The following LRRC52 variants were observed in gnomAD, a reference collection of about 807,000 sequenced individuals.
LRRC52 encodes the protein leucine rich repeat containing 52.
A neutral mutation model predicts 14.7 loss-of-function variants in LRRC52; 15 were observed. The observed-to-expected ratio is 1.02, with a 90% confidence interval of 0.68 to 1.58. The LOEUF (loss-of-function observed/expected upper bound fraction) is 1.58. LRRC52 is among the 40% of genes most tolerant of loss of function. LRRC52 has a pLI of 0.00. For missense variants in LRRC52, 400 were observed against 387.7 expected (o/e 1.03, Z -0.27); for synonymous variants, 180 against 163.9 (o/e 1.10, Z -0.75).
chr1:165,563,565 T>C lies in LRRC52; in HGVS notation c.683T>C (p.Val228Ala). The C allele has an allele frequency of 1.2e-6, 2 of 1,614,088 alleles. No homozygotes were observed. Among genetic ancestry groups the C allele is most frequent in the Admixed American group, 3.3e-5 (2 of 60,014 alleles). ...CTGACAGGGTGGCCCATCACCCGGG[T>C]GGGGAACCCACTCCGATACATGTGC... ...TELTGWPITR[V>A]GNPLRYMCIT... The change falls in exon 2 of 2, where the codon GTG (valine) becomes GCG (alanine). Residue 228 changes from valine to alanine, a missense_variant. By Grantham distance (64) the Val-to-Ala change is moderately conservative. Transcript: ENST00000294818.
chr1:165,558,799 C>G (rs1233080150), intron 1 of LRRC52, among the ~76,000 whole-genome samples: 3 of 152,126 alleles, frequency 2.0e-5, no homozygotes, highest in Non-Finnish European at 2.9e-5. Flanking sequence ...TATTAAAATA[C>G]AAAGTTTGCT....
chr1:165,557,589 A>G (rs143603326), intron 1 of LRRC52, among the ~76,000 whole-genome samples: 75 of 152,362 alleles, frequency 4.9e-4, no homozygotes, highest in African/African-American at 1.6e-3. Context: ...GAGTGGAGTC[A>G]GAAAAATGAA....
intron 1 of LRRC52, among the ~76,000 whole-genome samples, chr1:165,547,422 T>A (rs1442852935): frequency 6.6e-6 from 1 of 152,168 alleles, no homozygotes; most frequent in East Asian, 1.9e-4. Flanking sequence ...TAATAAGCAC[T>A]AACCGTCATA....
intron 1 of LRRC52, among the ~76,000 whole-genome samples, chr1:165,558,426 G>T (rs1661281210): frequency 2.0e-5 from 3 of 152,282 alleles, no homozygotes; most frequent in Admixed American, 2.0e-4. Flanking sequence ...AATTAAGAAA[G>T]CCAGAGAAGG....
chr1:165,562,118 T>TTTCTGTA (rs1661355964), intron 1 of LRRC52, among the ~76,000 whole-genome samples: 1 of 152,244 alleles, frequency 6.6e-6, no homozygotes, highest in Admixed American at 6.5e-5. Flanking sequence ...TCACACTGGC[T>TTTCTGTA]TTCTGTCTTC....
rs1385794384 is a variant in LRRC52, at chr1:165,557,815, T to C, written c.623-5690T>C. Among the ~76,000 whole-genome samples the C allele has an allele frequency of 2.6e-5, 4 of 152,166 alleles. No individual in the cohort carries two copies. In the East Asian group the frequency reaches 7.7e-4, roughly 29 times the overall value. On this transcript the variant is annotated intron_variant, in intron 1 of 1. Coordinates refer to ENST00000294818, the MANE Select transcript of LRRC52 (RefSeq NM_001005214.4). ...ACATAATTTCCTCACTGAGAAGTAA[T>C]TGCAATGCCTTCAGATTCCACCCTC...
intron 1 of LRRC52, among the ~76,000 whole-genome samples, chr1:165,549,019 G>T (rs567162783): frequency 8.9e-4 from 136 of 152,302 alleles, no homozygotes; most frequent in African/African-American, 3.1e-3. Context: ...AAGGTGGGTA[G>T]CTGCTTCTAA....
chr1:165,554,889 A>G (rs766104642), intron 1 of LRRC52, among the ~76,000 whole-genome samples: 2 of 152,268 alleles, frequency 1.3e-5, no homozygotes, highest in African/African-American at 2.4e-5. Flanking sequence ...TTCTTCTAAC[A>G]GCCAAGATGC....
intron 1 of LRRC52, among the ~76,000 whole-genome samples, chr1:165,557,870 C>T (rs183280298): frequency 6.7e-4 from 102 of 152,300 alleles, no homozygotes; most frequent in Non-Finnish European, 1.2e-3. Flanking sequence ...CCTAGATGCT[C>T]ACCCCTCCAG....
In LRRC52 at chr1:165,559,643, G is replaced by A. The variant is rs559920384; in HGVS notation, c.623-3862G>A. On this transcript the variant is annotated intron_variant, in intron 1 of 1. Transcript: ENST00000294818. ...GTAAATCCTAACTTAATATCCATAG[G>A]TTCTTAGAAACTGCCACTTTAAGCA... is the stretch of plus-strand genomic sequence containing the variant. 2.0e-5 allele frequency among the ~76,000 whole-genome samples: 3 copies of A among 152,200 alleles called. No homozygotes were observed. In the East Asian group the frequency reaches 5.8e-4, roughly 29 times the overall value.
At chr1:165,545,749 C>G (rs1661009414) in intron 1 of LRRC52, among the ~76,000 whole-genome samples, 1 of 152,136 alleles carries the variant, frequency 6.6e-6, no homozygotes, top group Admixed American at 6.5e-5. Context: ...ACTGTCTCAT[C>G]CTTACCCTCC....
rs533989036 is a variant in LRRC52, at chr1:165,544,629, C to T, written c.333C>T (p.Asn111=). ...TCATCTACCTTGACCTCAGCTCCAA[C>T]AACCTAACCTCGATCTCCCCATTCA... ...FKLIYLDLSS[N]NLTSISPFTF... is the part of the protein sequence containing the mutation. The change falls in exon 1 of 2, where the codon AAC becomes AAT. Residue 111 remains asparagine, a synonymous_variant. Transcript: ENST00000294818. 4 of 1,614,036 alleles carry T rather than the reference C, an allele frequency of 2.5e-6. No individual in the cohort carries two copies. The South Asian group carries it at 3.3e-5, about 13-fold the overall frequency.
chr1:165,563,567 G>T lies in LRRC52; in HGVS notation c.685G>T (p.Gly229Trp). The change falls in exon 2 of 2, where the codon GGG becomes TGG. Residue 229 changes from glycine (G) to tryptophan (W), a missense_variant. Coordinates refer to ENST00000294818, the MANE Select transcript of LRRC52 (RefSeq NM_001005214.4). Reference sequence around the variant, plus strand: ...GACAGGGTGGCCCATCACCCGGGTGGGGAACCCACTCCGATACATGTGCAT... The same window carrying T: ...GACAGGGTGGCCCATCACCCGGGTGTGGAACCCACTCCGATACATGTGCAT... The part of the protein sequence containing the change: ...ELTGWPITRV[G>W]NPLRYMCITH... 6.2e-7 allele frequency: 1 copy of T among 1,614,174 alleles called. No individual in the cohort carries two copies. The highest frequency in any genetic ancestry group is 8.5e-7 in the Non-Finnish European group (1 of 1,180,028).
chr1:165,555,424 G>T (rs998961994), intron 1 of LRRC52, among the ~76,000 whole-genome samples: 2 of 152,170 alleles, frequency 1.3e-5, no homozygotes, highest in South Asian at 4.1e-4. Flanking sequence ...GGGAAGAAAT[G>T]AGATAGAAAA....
At chr1:165,557,023 C>T (rs1342428219) in intron 1 of LRRC52, among the ~76,000 whole-genome samples, 1 of 152,160 alleles carries the variant, frequency 6.6e-6, no homozygotes, top group Non-Finnish European at 1.5e-5. Context: ...ACCAATAATC[C>T]ACCCTTGCAT....
rs773092989 is a variant in LRRC52 at position 165,563,656 on chromosome 1, G to A, written c.774G>A (p.Ala258=). The A allele has an allele frequency of 1.5e-5, 24 of 1,614,080 alleles. No individual in the cohort carries two copies. Among genetic ancestry groups the A allele is most frequent in the Admixed American group, 1.0e-4 (6 of 60,004 alleles). ...LLLIGFCIFA[A]GTVAAWLTGV... ...TCATCGGCTTCTGCATCTTCGCCGC[G>A]GGAACTGTGGCTGCCTGGCTCACAG... Residue 258 remains alanine, a synonymous_variant, in exon 2 of 2, where the codon GCG becomes GCA. Coordinates refer to ENST00000294818, the MANE Select transcript of LRRC52 (RefSeq NM_001005214.4).
At chr1:165,555,348 A>G (rs1374540900) in intron 1 of LRRC52, among the ~76,000 whole-genome samples, 2 of 152,216 alleles carry the variant, frequency 1.3e-5, no homozygotes, top group Non-Finnish European at 2.9e-5. Context: ...GGGAGAACGA[A>G]CACAAAGGCT....
chr1:165,555,033 C>T (rs900929000), intron 1 of LRRC52, among the ~76,000 whole-genome samples: 1 of 152,162 alleles, frequency 6.6e-6, no homozygotes, highest in Admixed American at 6.5e-5. Context: ...CAATCAGATG[C>T]CAGCCGCTTG....
chr1:165,544,259 G>A lies in LRRC52; in HGVS notation c.-38G>A, dbSNP rs1276460745. 4 of 1,269,194 alleles carry A rather than the reference G, an allele frequency of 3.2e-6. No homozygotes were observed. Among genetic ancestry groups the A allele is most frequent in the South Asian group, 1.3e-5 (1 of 74,146 alleles). The allele number at this position is 1,269,194 out of a possible 1,614,324, so 78.6% of individuals were successfully genotyped here. On this transcript the variant is annotated 5_prime_UTR_variant, in exon 1 of 2. Transcript: ENST00000294818. ...GCCTTCGGATCAGAGGACAGAGCCC[G>A]CAGGAAGGTGAAAGGAGGGTGGTTG... is the stretch of plus-strand genomic sequence containing the variant.
Sources: allele counts gnomAD v4.1 joint callset (sites outside exome capture counted in the v4.1 genomes callset), GRCh38; gene constraint gnomAD v4.1.1; transcripts MANE v1.5; gene names NCBI Gene and HGNC (gene_info 2026-07-23, HGNC 2026-07-21).